The following CLSTN2 variants were observed in gnomAD, a reference collection of about 807,000 sequenced individuals.
CLSTN2 encodes the protein calsyntenin-2.
Under a neutral mutation model 101.2 loss-of-function variants are expected in CLSTN2, and 48 were observed. The observed-to-expected ratio is 0.47, with a 90% CI of 0.38 to 0.60. The LOEUF (loss-of-function observed/expected upper bound fraction) is 0.60. Among genes scored for constraint, CLSTN2 ranks in the 20% least tolerant of loss-of-function variants. The pLI is 0.00. For synonymous variants in CLSTN2, 481 were observed against 463.6 expected (o/e 1.04, Z -0.48); for missense variants, 1,160 against 1,238.2 (o/e 0.94, Z 0.95).
chr3:140,105,047 G>C (rs1019296387), intron 1 of CLSTN2, among the ~76,000 whole-genome samples: 3 of 152,198 alleles, frequency 2.0e-5, no homozygotes, highest in Non-Finnish European at 4.4e-5. Context: ...TCCAGGACAA[G>C]GGCTCTGGTG....
chr3:139,965,163 A>G (rs1449167602), intron 1 of CLSTN2, among the ~76,000 whole-genome samples: 1 of 152,232 alleles, frequency 6.6e-6, no homozygotes, highest in Admixed American at 6.5e-5. Context: ...AAAGCTGTTT[A>G]AAGTAATTAA....
chr3:140,558,752 C>T lies in CLSTN2; in HGVS notation c.1936C>T (p.Pro646Ser). The T allele has an allele frequency of 5.6e-6, 9 of 1,614,084 alleles. No homozygotes were observed. The highest frequency in any genetic ancestry group is 7.6e-6 in the Non-Finnish European group (9 of 1,179,992). ...TLRGTDHFWR[P>S]AAQFESARGV... ...CCGGGGCACAGACCACTTCTGGAGA[C>T]CTGCTGCCCAGTTTGAAAGTGCCAG... The change falls in exon 12 of 17, where the codon CCT becomes TCT. Residue 646 changes from proline (P) to serine (S), a missense_variant. Physicochemically the swap from Pro to Ser is moderately conservative, Grantham distance 74. Coordinates refer to ENST00000458420, the MANE Select transcript of CLSTN2 (RefSeq NM_022131.3).
intron 1 of CLSTN2, among the ~76,000 whole-genome samples, chr3:140,164,206 T>G (rs763519647): frequency 2.0e-5 from 3 of 147,044 alleles, no homozygotes; most frequent in Non-Finnish European, 4.4e-5. Flanking sequence ...GCTCCTGATC[T>G]TCTTCTGCAT....
chr3:140,468,777 C>T (rs1243407568), intron 8 of CLSTN2, among the ~76,000 whole-genome samples: 6 of 152,134 alleles, frequency 3.9e-5, no homozygotes, highest in East Asian at 1.9e-4. Context: ...TCTAAATTTA[C>T]AAAAATTTTA....
At chr3:140,217,600 A>G (rs2107850689) in intron 2 of CLSTN2, among the ~76,000 whole-genome samples, 1 of 152,330 alleles carries the variant, frequency 6.6e-6, no homozygotes, top group South Asian at 2.1e-4. Context: ...TAGTCTCTGT[A>G]CCTTTTTAAG....
At chr3:139,985,424 C>T (rs1936004881) in intron 1 of CLSTN2, among the ~76,000 whole-genome samples, 1 of 152,156 alleles carries the variant, frequency 6.6e-6, no homozygotes, top group South Asian at 2.1e-4. Flanking sequence ...CTTAGATGAC[C>T]CTCTCAGCTT....
At chr3:140,333,647 T>A (rs1433912673) in intron 2 of CLSTN2, among the ~76,000 whole-genome samples, 1 of 152,010 alleles carries the variant, frequency 6.6e-6, no homozygotes, top group Non-Finnish European at 1.5e-5. Flanking sequence ...TTATGCCAAC[T>A]TTCATCATAG....
At chr3:139,979,937 A>G (rs1935887727) in intron 1 of CLSTN2, among the ~76,000 whole-genome samples, 1 of 152,026 alleles carries the variant, frequency 6.6e-6, no homozygotes, top group Admixed American at 6.6e-5. Context: ...GTCATCTTGC[A>G]GTCACCTTTG....
chr3:140,209,983 G>T (rs1576468185), intron 2 of CLSTN2, among the ~76,000 whole-genome samples: 1 of 152,294 alleles, frequency 6.6e-6, no homozygotes, highest in East Asian at 1.9e-4. Flanking sequence ...TTGGGCTCCT[G>T]CCATGTACTA....
At chr3:139,969,319 C>G (rs903482839) in intron 1 of CLSTN2, among the ~76,000 whole-genome samples, 4 of 152,152 alleles carry the variant, frequency 2.6e-5, no homozygotes, top group Admixed American at 2.0e-4. Context: ...CACTGCCTAC[C>G]CTGGGTGGGT....
At chr3:140,231,541 C>T (rs2086371920) in intron 2 of CLSTN2, among the ~76,000 whole-genome samples, 1 of 152,146 alleles carries the variant, frequency 6.6e-6, no homozygotes. Flanking sequence ...CCCATTATAG[C>T]TCATCTCAGG....
At chr3:140,074,565 A>C (rs940242851) in intron 1 of CLSTN2, among the ~76,000 whole-genome samples, 3 of 152,214 alleles carry the variant, frequency 2.0e-5, no homozygotes, top group South Asian at 4.1e-4. Context: ...AGGTGTAAAA[A>C]TAATAATAGT....
At chr3:140,426,367 AACAT>A (rs775510570) in intron 5 of CLSTN2, among the ~76,000 whole-genome samples, 4 of 152,198 alleles carry the variant, frequency 2.6e-5, no homozygotes, top group Non-Finnish European at 5.9e-5. Context: ...TATAAATGAA[AACAT>A]ACAGTGTTTG....
At chr3:140,135,105 C>CAT (rs2009589677) in intron 1 of CLSTN2, among the ~76,000 whole-genome samples, 1 of 53,298 alleles carries the variant, frequency 1.9e-5, no homozygotes, top group African/African-American at 8.9e-5. Flanking sequence ...CACACACACA[C>CAT]ACACACACAC....
At chr3:140,059,601 C>T (rs2008160904) in intron 1 of CLSTN2, among the ~76,000 whole-genome samples, 1 of 152,076 alleles carries the variant, frequency 6.6e-6, no homozygotes, top group Admixed American at 6.6e-5. Context: ...TCTTGGTGGC[C>T]CCCTCTGAGG....
Position 140,403,799 on chromosome 3 carries a change from G to A in CLSTN2, c.403G>A (p.Glu135Lys), listed in dbSNP as rs371820039. 17 of 1,612,006 alleles carry A rather than the reference G, an allele frequency of 1.1e-5. No individual in the cohort carries two copies. In the Middle Eastern group the frequency reaches 5.0e-4, roughly 47 times the overall value. Residue 135 changes from glutamate to lysine, a missense_variant, in exon 3 of 17, where the codon GAG becomes AAG. By Grantham distance (56) the Glu-to-Lys change is moderately conservative. Coordinates refer to ENST00000458420, the MANE Select transcript of CLSTN2 (RefSeq NM_022131.3). ...QAYDCGAGPH[E>K]TAWKKSHKAV... ...CTATGACTGTGGTGCTGGGCCCCAC[G>A]AGACAGCCTGGAAAAAGTCACACAA...
At position 140,248,649 on chromosome 3, in the gene CLSTN2, T is replaced by C. The variant is rs572846661; in HGVS notation, c.232+72576T>C. ...TTAGTTAATAACAGATCCACAGGCG[T>C]GGAGGCCTGGTAACAACAACTCTAC... On this transcript the variant is annotated intron_variant, in intron 2 of 16. Transcript: ENST00000458420. Among the ~76,000 whole-genome samples the C allele has an allele frequency of 2.1e-4, 32 of 152,314 alleles. No individual in the cohort carries two copies. The South Asian group carries it at 6.0e-3, about 29-fold the overall frequency.
chr3:140,289,189 G>A (rs188110694), intron 2 of CLSTN2, among the ~76,000 whole-genome samples: 104 of 152,246 alleles, frequency 6.8e-4, no homozygotes, highest in Non-Finnish European at 1.1e-3. Flanking sequence ...TATGAGATAA[G>A]CTGTGTTATT....
At chr3:140,029,495 A>T (rs1233415372) in intron 1 of CLSTN2, among the ~76,000 whole-genome samples, 2 of 152,182 alleles carry the variant, frequency 1.3e-5, no homozygotes, top group Non-Finnish European at 2.9e-5. Context: ...TGAGTCCCAC[A>T]TGCTGATTTT....
Sources: gnomAD v4.1 joint callset for allele counts (sites outside exome capture counted in the v4.1 genomes callset) on GRCh38, gnomAD v4.1.1 for gene constraint, MANE v1.5 for transcripts, NCBI Gene and HGNC (gene_info 2026-07-23, HGNC 2026-07-21) for gene names.